Variants in SELENOI observed in about 807,000 individuals in gnomAD.
SELENOI encodes selenoprotein I, also known as ethanolaminephosphotransferase 1.
Under a neutral mutation model 50.7 loss-of-function variants are expected in SELENOI, and 24 were observed. The ratio of observed to expected loss-of-function variants is 0.47; its 90% CI spans 0.34 to 0.67. The LOEUF (loss-of-function observed/expected upper bound fraction) is 0.67. Ranked by LOEUF, SELENOI falls within the 30% of genes least tolerant of loss-of-function variation. SELENOI has a pLI of 0.01. For synonymous variants in SELENOI, 155 were observed against 170.2 expected (o/e 0.91, Z 0.70); for missense variants, 352 against 461.4 (o/e 0.76, Z 2.17).
At chr2:26,368,475 A>T (rs775661772) in intron 4 of SELENOI, among the ~76,000 whole-genome samples, 1 of 152,228 alleles carries the variant, frequency 6.6e-6, no homozygotes, top group African/African-American at 2.4e-5. Flanking sequence ...CTGGTCTGAC[A>T]TGAACTATTT....
chr2:26,379,380 C>T (rs574796404), intron 6 of SELENOI, among the ~76,000 whole-genome samples: 2 of 152,232 alleles, frequency 1.3e-5, no homozygotes, highest in East Asian at 1.9e-4. Context: ...TTAGATTCTG[C>T]GTTTTCCTGG....
intron 6 of SELENOI, among the ~76,000 whole-genome samples, chr2:26,378,603 A>T (rs902237242): frequency 1.3e-5 from 2 of 152,144 alleles, no homozygotes; most frequent in African/African-American, 4.8e-5. Flanking sequence ...GCTTTCCATC[A>T]TCTGGTCTGG....
intron 1 of SELENOI, among the ~76,000 whole-genome samples, chr2:26,359,458 C>T (rs934189162): frequency 1.3e-5 from 2 of 152,096 alleles, no homozygotes; most frequent in Non-Finnish European, 2.9e-5. Flanking sequence ...GCCTGACCAA[C>T]ATGGTGAAAC....
chr2:26,370,779 CG>C (rs1004199655), intron 4 of SELENOI, among the ~76,000 whole-genome samples: 1 of 129,718 alleles, frequency 7.7e-6, no homozygotes, highest in Non-Finnish European at 1.7e-5. Flanking sequence ...GGCGGCTGGC[CG>C]GGCAGAGGGG....
intron 1 of SELENOI, among the ~76,000 whole-genome samples, chr2:26,363,590 G>A (rs1394275996): frequency 6.6e-6 from 1 of 152,156 alleles, no homozygotes. Context: ...GGTTGTATGT[G>A]CCAATGAAAC....
rs1323782320 is a variant in SELENOI, at chr2:26,391,737, T to G, written c.*2634T>G. ...TATTAAAAAAGTCGTTTCAGGCTTA[T>G]CAGATAATAATTCTCCTATATTTGA... On this transcript the variant is annotated 3_prime_UTR_variant, in exon 10 of 10. Coordinates refer to ENST00000260585, the MANE Select transcript of SELENOI (RefSeq NM_033505.4). The G allele has an allele frequency of 3.3e-5, 5 of 152,174 alleles. No homozygotes were observed. Among genetic ancestry groups the G allele is most frequent in the African/African-American group, 1.2e-4 (5 of 41,452 alleles). 9.4% of individuals were successfully genotyped at this position (152,174 alleles called of 1,614,324 possible). A position where few individuals can be genotyped will look rare whatever the true frequency, so the allele number is the denominator to read the frequency against.
At chr2:26,352,328 T>A (rs994826163) in intron 1 of SELENOI, among the ~76,000 whole-genome samples, 5 of 152,070 alleles carry the variant, frequency 3.3e-5, no homozygotes, top group African/African-American at 7.2e-5. Flanking sequence ...AGGATGCTTC[T>A]GCATAAAACT....
chr2:26,357,864 C>T (rs114209966), intron 1 of SELENOI, among the ~76,000 whole-genome samples: 1,464 of 130,848 alleles, frequency 0.011, 29 homozygotes, highest in African/African-American at 0.035. Flanking sequence ...ATAATTCCCA[C>T]GAATTGTGGG....
chr2:26,388,565 C>A (rs974979807), intron 9 of SELENOI, among the ~76,000 whole-genome samples: 1 of 152,146 alleles, frequency 6.6e-6, no homozygotes, highest in Admixed American at 6.5e-5. Flanking sequence ...CTCTTGCCTT[C>A]CCACTAGAGA....
At chr2:26,355,416 G>A (rs901290020) in intron 1 of SELENOI, among the ~76,000 whole-genome samples, 2 of 152,174 alleles carry the variant, frequency 1.3e-5, no homozygotes, top group African/African-American at 4.8e-5. Context: ...CTCAAATACT[G>A]CACCCTATTT....
chr2:26,371,572 T>A (rs1677447854), intron 4 of SELENOI, among the ~76,000 whole-genome samples: 1 of 152,192 alleles, frequency 6.6e-6, no homozygotes, highest in African/African-American at 2.4e-5. Flanking sequence ...CTGGGCGCCA[T>A]TGAGCACTGA....
At chr2:26,360,028 C>T (rs1677142708) in intron 1 of SELENOI, among the ~76,000 whole-genome samples, 4 of 152,160 alleles carry the variant, frequency 2.6e-5, no homozygotes, top group African/African-American at 7.2e-5. Context: ...GCAAGTCATG[C>T]CAGGTCTTAA....
At chr2:26,384,434 C>T (rs1399012605) in intron 7 of SELENOI, among the ~76,000 whole-genome samples, 1 of 152,182 alleles carries the variant, frequency 6.6e-6, no homozygotes, top group Non-Finnish European at 1.5e-5. Flanking sequence ...GAGCTCTGTT[C>T]AGCTGAGCAG....
intron 6 of SELENOI, among the ~76,000 whole-genome samples, chr2:26,376,936 T>A (rs1295276886): frequency 1.3e-5 from 2 of 152,240 alleles, no homozygotes; most frequent in African/African-American, 4.8e-5. Flanking sequence ...CTTTCAAGGT[T>A]CTCTTTTTAT....
At chr2:26,387,712 AAG>A (rs1287047158) in intron 9 of SELENOI, among the ~76,000 whole-genome samples, 1 of 132,926 alleles carries the variant, frequency 7.5e-6, no homozygotes, top group African/African-American at 2.8e-5. Context: ...AAAAAAAAAA[AAG>A]AAAAAGAAAG....
At chr2:26,372,407 G>A (rs1012733432) in intron 4 of SELENOI, among the ~76,000 whole-genome samples, 3 of 152,052 alleles carry the variant, frequency 2.0e-5, no homozygotes, top group African/African-American at 2.4e-5. Context: ...CACCACACCC[G>A]GCCTGTTCCT....
At chr2:26,379,259 T>A (rs1226237507) in intron 6 of SELENOI, among the ~76,000 whole-genome samples, 1 of 152,234 alleles carries the variant, frequency 6.6e-6, no homozygotes, top group Admixed American at 6.5e-5. Flanking sequence ...CAACTCTGTC[T>A]CTAAAATAAA....
intron 1 of SELENOI, among the ~76,000 whole-genome samples, chr2:26,348,570 A>T (rs1401949805): frequency 6.6e-6 from 1 of 152,202 alleles, no homozygotes; most frequent in Admixed American, 6.5e-5. Flanking sequence ...TTATGTATTG[A>T]CACTTGCATT....
intron 1 of SELENOI, among the ~76,000 whole-genome samples, chr2:26,353,093 C>T (rs1234444994): frequency 6.6e-6 from 1 of 152,058 alleles, no homozygotes; most frequent in Non-Finnish European, 1.5e-5. Flanking sequence ...GTGTAGAGGG[C>T]CACATAAAAG....
Sources: gnomAD v4.1 joint callset for allele counts (sites outside exome capture counted in the v4.1 genomes callset) on GRCh38, gnomAD v4.1.1 for gene constraint, MANE v1.5 for transcripts, NCBI Gene and HGNC (gene_info 2026-07-23, HGNC 2026-07-21) for gene names.